Variants in ZNF844 observed in about 807,000 individuals in gnomAD.
ZNF844 encodes the protein zinc finger protein 844.
ZNF844 carries 11 observed loss-of-function variants against 11.4 expected under a neutral mutation model. That is an observed-to-expected ratio of 0.97 (90% CI 0.61 to 1.60). ZNF844 has a LOEUF of 1.60. ZNF844 is among the 40% of genes most tolerant of loss of function. ZNF844 has a pLI of 0.00. For missense variants in ZNF844, 790 were observed against 796.8 expected, an observed-to-expected ratio of 0.99 and a Z score of 0.10; for synonymous variants, 248 against 260.3, an observed-to-expected ratio of 0.95 and a Z score of 0.46.
Position 12,077,504 on chromosome 19 carries a change from T to C in ZNF844, c.*383T>C. 1 of 601,772 alleles carries C rather than the reference T, an allele frequency of 1.7e-6. No individual in the cohort carries two copies. The highest frequency in any genetic ancestry group is 3.2e-6 in the Non-Finnish European group (1 of 314,542). The allele number at this position is 601,772 out of a possible 1,614,324, so 37.3% of individuals were successfully genotyped here. Reference sequence around the variant, plus strand: ...GTGGGAAAGCCTTCATTTCTTCCGGTAGCCTTCGATATCATGAAAGGACTC... The same window carrying C: ...GTGGGAAAGCCTTCATTTCTTCCGGCAGCCTTCGATATCATGAAAGGACTC... On this transcript the variant is annotated 3_prime_UTR_variant, in exon 4 of 4. Transcript: ENST00000439326.
chr19:12,076,483 A>G lies in ZNF844; in HGVS notation c.1363A>G (p.Lys455Glu), dbSNP rs1975821249. Reference sequence around the variant, plus strand: ...CCGTATGAGTGTAAGCAATGTGGGAAAGCCTTCAGATCTGCCTCACACCTT... The same window carrying G: ...CCGTATGAGTGTAAGCAATGTGGGAGAGCCTTCAGATCTGCCTCACACCTT... ...RNRMSVSNVG[K>E]PSDLPHTFKC... is the part of the protein sequence containing the mutation. Residue 455 changes from lysine to glutamate, a missense_variant, in exon 4 of 4, where the codon AAG becomes GAG. Coordinates refer to ENST00000439326, the MANE Select transcript of ZNF844 (RefSeq NM_001136501.3). 3 of 1,611,302 alleles carry G rather than the reference A, an allele frequency of 1.9e-6. No individual in the cohort carries two copies. The highest frequency in any genetic ancestry group is 4.5e-5 in the East Asian group (2 of 44,754).
chr19:12,080,445 C>G lies in ZNF844; in HGVS notation c.*3324C>G, dbSNP rs1200064662. The G allele has an allele frequency of 3.3e-6, 1 of 303,280 alleles. No homozygotes were observed. The highest frequency in any genetic ancestry group is 2.3e-5 in the African/African-American group (1 of 42,710). 18.8% of individuals were successfully genotyped at this position (303,280 alleles called of 1,614,324 possible). A position where few individuals can be genotyped will look rare whatever the true frequency, so the allele number is the denominator to read the frequency against. On this transcript the variant is annotated 3_prime_UTR_variant, in exon 4 of 4. Coordinates refer to ENST00000439326, the MANE Select transcript of ZNF844 (RefSeq NM_001136501.3). Reference sequence around the variant, plus strand: ...TACAATTCACCAGTGTCCTATCTTACATGCAATTTCAAAGGCAGACAAGAG... The same window carrying G: ...TACAATTCACCAGTGTCCTATCTTAGATGCAATTTCAAAGGCAGACAAGAG...
intron 3 of ZNF844, among the ~76,000 whole-genome samples, chr19:12,074,773 G>A (rs1975788307): frequency 6.6e-6 from 1 of 152,180 alleles, no homozygotes; most frequent in Non-Finnish European, 1.5e-5. Context: ...GATCACTTGA[G>A]TCCAGGAGTT....
At position 12,076,786 on chromosome 19, in the gene ZNF844, G is replaced by A; in HGVS notation, c.1666G>A (p.Glu556Lys). The A allele has an allele frequency of 6.3e-7, 1 of 1,574,920 alleles. No individual in the cohort carries two copies. ...CAAATTCATGAAAAGACACACCCTG[G>A]AGAGAAACCCTATAAGGAATATGGA... ...TFKFMKRHTL[E>K]RNPIRNMEKH... The change falls in exon 4 of 4, where the codon GAG becomes AAG. Residue 556 changes from glutamate (E) to lysine (K), a missense_variant. Glu to Lys is a moderately conservative substitution (Grantham distance 56). Around this residue, in one of 3 missense-constraint regions of ZNF844, gnomAD observed 657 missense variants for 636.2 expected, o/e 1.03. Coordinates refer to ENST00000439326, the MANE Select transcript of ZNF844 (RefSeq NM_001136501.3).
At chr19:12,067,058 GGTGTGGTGGTACGCTCCTGTA>G (rs1199987940) in intron 1 of ZNF844, among the ~76,000 whole-genome samples, 1 of 152,050 alleles carries the variant, frequency 6.6e-6, no homozygotes, top group East Asian at 1.9e-4. Context: ...AAATTAGCTG[GGTGTGGTGGTACGCTCCTGTA>G]GTCCCAGCTA....
In ZNF844 at chr19:12,075,986, C is replaced by G. The variant is rs1174515927; in HGVS notation, c.866C>G (p.Ala289Gly). The G allele has an allele frequency of 3.8e-5, 60 of 1,587,840 alleles. No individual in the cohort carries two copies. The highest frequency in any genetic ancestry group is 5.1e-5 in the Non-Finnish European group (60 of 1,166,698). Residue 289 changes from alanine (A) to glycine (G), a missense_variant, in exon 4 of 4, where the codon GCC (alanine) becomes GGC (glycine). Transcript: ENST00000439326. Reference protein sequence around the residue: ...KPYECKQCGKAFRWFHSFQIH... With the variant: ...KPYECKQCGKGFRWFHSFQIH... Reference sequence around the variant, plus strand: ...TATGAATGCAAACAATGTGGAAAAGCCTTCAGATGGTTCCATTCCTTTCAA... The same window carrying G: ...TATGAATGCAAACAATGTGGAAAAGGCTTCAGATGGTTCCATTCCTTTCAA...
chr19:12,069,911 CG>C (rs1212154085), intron 1 of ZNF844, among the ~76,000 whole-genome samples: 3 of 146,814 alleles, frequency 2.0e-5, no homozygotes, highest in African/African-American at 7.6e-5. Flanking sequence ...GCCAAGTTTG[CG>C]CCAACTGCAC....
chr19:12,069,886 C>T lies in ZNF844; in HGVS notation c.4-4145C>T, dbSNP rs113103062. Among the ~76,000 whole-genome samples, 724 of 142,786 alleles carry T rather than the reference C, an allele frequency of 5.1e-3. 6 individuals carry two copies. The highest frequency in any genetic ancestry group is 0.019 in the African/African-American group (706 of 37,828). 93.7% of individuals were successfully genotyped at this position (142,786 alleles called of 152,430 possible). A position where few individuals can be genotyped will look rare whatever the true frequency, so the allele number is the denominator to read the frequency against. ...AGGAGAATCGCTTGAACCCAGGAGG[C>T]GGAGGTTGCGGAGAGCCAAGTTTGC... On this transcript the variant is annotated intron_variant, in intron 1 of 3. Transcript: ENST00000439326.
intron 1 of ZNF844, among the ~76,000 whole-genome samples, chr19:12,071,784 GAGTT>G (rs1975755410): frequency 6.7e-6 from 1 of 148,994 alleles, no homozygotes; most frequent in African/African-American, 2.5e-5. Flanking sequence ...ATGTACTGTT[GAGTT>G]AGTTTGTCAA....
chr19:12,070,235 T>C (rs141655707), intron 1 of ZNF844: 6 of 151,394 alleles, frequency 4.0e-5, no homozygotes, highest in Admixed American at 1.3e-4. Flanking sequence ...TTAGTAAATG[T>C]ATAGAAAATG....
intron 1 of ZNF844, among the ~76,000 whole-genome samples, chr19:12,068,625 T>C (rs564868976): frequency 6.6e-6 from 1 of 152,150 alleles, no homozygotes; most frequent in East Asian, 1.9e-4. Context: ...AGAGTGAAAC[T>C]CCGTCTCAAA....
Position 12,077,786 on chromosome 19 carries a change from CAATT to C in ZNF844, c.*668_*671del, listed in dbSNP as rs886185585. On this transcript the variant is annotated 3_prime_UTR_variant, in exon 4 of 4. Transcript: ENST00000439326. Reference sequence around the variant, plus strand: ...TTCAAATACAGACAATGAATGTAAACAATTAAATGTTTATAGCAGCTGCATACTA... The same window carrying C: ...TTCAAATACAGACAATGAATGTAAACAAATGTTTATAGCAGCTGCATACTA... 14 of 338,956 alleles carry C rather than the reference CAATT, an allele frequency of 4.1e-5. No individual in the cohort carries two copies. The highest frequency in any genetic ancestry group is 2.4e-4 in the African/African-American group (11 of 46,328). 21.0% of individuals were successfully genotyped at this position (338,956 alleles called of 1,614,324 possible). A position where few individuals can be genotyped will look rare whatever the true frequency, so the allele number is the denominator to read the frequency against.
chr19:12,069,178 C>CGTTTTTTTTTTTTTTTTTTTTTTT (rs760998604), intron 1 of ZNF844, among the ~76,000 whole-genome samples: 1 of 137,490 alleles, frequency 7.3e-6, no homozygotes, highest in Admixed American at 7.1e-5. Flanking sequence ...TTCTTTTATT[C>CGTTTTTTTTTTTTTTTTTTTTTTT]CTTTTTTTTT....
In ZNF844 at chr19:12,081,351, AGTTTCCTGT is replaced by A. The variant is rs1251204455; in HGVS notation, c.*4236_*4244del. 6.6e-6 allele frequency: 1 copy of A among 152,040 alleles called. No homozygotes were observed. Among genetic ancestry groups the A allele is most frequent in the Non-Finnish European group, 1.5e-5 (1 of 67,998 alleles). The allele number at this position is 152,040 out of a possible 1,614,324, so 9.4% of individuals were successfully genotyped here. A position where few individuals can be genotyped will look rare whatever the true frequency, so the allele number is the denominator to read the frequency against. On this transcript the variant is annotated 3_prime_UTR_variant, in exon 4 of 4. Transcript: ENST00000439326. ...ACCTTCCTCCTCCCAGGAAGTTTTG[AGTTTCCTGT>A]GTTTCATTTCTGAATGTAATGTCTC... is the stretch of plus-strand genomic sequence containing the variant.
At chr19:12,066,569 C>T (rs1975691514) in intron 1 of ZNF844, among the ~76,000 whole-genome samples, 3 of 115,416 alleles carry the variant, frequency 2.6e-5, no homozygotes, top group African/African-American at 7.0e-5. Flanking sequence ...TTGTTGTTGA[C>T]GGAGGCTCCC....
rs1442818079 is a variant in ZNF844, at chr19:12,077,863, C to G, written c.*742C>G. The G allele has an allele frequency of 7.2e-6, 2 of 278,296 alleles. No individual in the cohort carries two copies. The highest frequency in any genetic ancestry group is 1.4e-5 in the Non-Finnish European group (2 of 143,992). The allele number at this position is 278,296 out of a possible 1,614,324, so 17.2% of individuals were successfully genotyped here. On this transcript the variant is annotated 3_prime_UTR_variant, in exon 4 of 4. Coordinates refer to ENST00000439326, the MANE Select transcript of ZNF844 (RefSeq NM_001136501.3). The stretch of plus-strand genomic sequence containing the variant: ...TTTCTTTTTGAGACAGAGTCTCGCT[C>G]TGTCACCCAGGCTGGAGTGCAGTGG...
rs966048617 is a variant in ZNF844 at position 12,081,511 on chromosome 19, ATTCT to A, written c.*4396_*4399del. ...CCACAACTGTATACTGACAAACATT[ATTCT>A]TTCTTAATTAATTCAGTAGCTATAT... On this transcript the variant is annotated 3_prime_UTR_variant, in exon 4 of 4. Coordinates refer to ENST00000439326, the MANE Select transcript of ZNF844 (RefSeq NM_001136501.3). 1.2e-4 allele frequency: 18 copies of A among 152,188 alleles called. No homozygotes were observed. Among genetic ancestry groups the A allele is most frequent in the African/African-American group, 3.9e-4 (16 of 41,446 alleles). The allele number at this position is 152,188 out of a possible 1,614,324, so 9.4% of individuals were successfully genotyped here.
chr19:12,075,995 G>A lies in ZNF844; in HGVS notation c.875G>A (p.Trp292Ter), dbSNP rs867891932. The change falls in exon 4 of 4, where the codon TGG becomes TAG. Residue 292 changes from tryptophan (W) to a stop codon, truncating the protein, a stop_gained. Coordinates refer to ENST00000439326, the MANE Select transcript of ZNF844 (RefSeq NM_001136501.3). LOFTEE classifies it low-confidence loss of function (END_TRUNC). Reference sequence around the variant, plus strand: ...AAACAATGTGGAAAAGCCTTCAGATGGTTCCATTCCTTTCAAATACATGAA... The same window carrying A: ...AAACAATGTGGAAAAGCCTTCAGATAGTTCCATTCCTTTCAAATACATGAA... ...ECKQCGKAFR[W>*]FHSFQIHERT... 2 of 1,582,430 alleles carry A rather than the reference G, an allele frequency of 1.3e-6. No individual in the cohort carries two copies. Among genetic ancestry groups the A allele is most frequent in the African/African-American group, 1.4e-5 (1 of 73,248 alleles).
At chr19:12,065,100 C>T (rs1975673386) in intron 1 of ZNF844, among the ~76,000 whole-genome samples, 1 of 151,884 alleles carries the variant, frequency 6.6e-6, no homozygotes, top group South Asian at 2.1e-4. Context: ...CGTCGCCGCG[C>T]GGCGACTGCG....
Sources: allele counts gnomAD v4.1 joint callset (sites outside exome capture counted in the v4.1 genomes callset), GRCh38; gene constraint gnomAD v4.1.1; regional missense constraint gnomAD v4.1.1; transcripts MANE v1.5; gene names NCBI Gene and HGNC (gene_info 2026-07-23, HGNC 2026-07-21).